Variants in BRIP1 observed in about 807,000 individuals in gnomAD.
BRIP1 encodes the protein BRCA1 interacting DNA helicase 1, also known as Fanconi anemia group J protein.
Under a neutral mutation model 119.7 loss-of-function variants are expected in BRIP1, and 88 were observed. The observed-to-expected ratio is 0.74, with a 90% CI of 0.62 to 0.88. The LOEUF (loss-of-function observed/expected upper bound fraction) is 0.88, where lower values mean the gene tolerates loss of function less well. BRIP1 is among the 40% of genes least tolerant of loss of function. The pLI, the probability that BRIP1 is intolerant of heterozygous loss-of-function variation, is 0.00. For missense variants in BRIP1, 1,259 were observed against 1,455.4 expected (o/e 0.87, Z 2.20); for synonymous variants, 443 against 496.5 (o/e 0.89, Z 1.43).
intron 16 of BRIP1, among the ~76,000 whole-genome samples, chr17:61,727,812 T>C (rs2076788652): frequency 6.6e-6 from 1 of 151,398 alleles, no homozygotes; most frequent in South Asian, 2.1e-4. Flanking sequence ...ATATAATCTT[T>C]CAAACATGAG....
Position 61,799,036 on chromosome 17 carries a change from G to A in BRIP1, c.1340+64C>T, listed in dbSNP as rs113218012. 35 of 1,451,738 alleles carry A rather than the reference G, an allele frequency of 2.4e-5. 1 individual carries two copies. The highest frequency in any genetic ancestry group is 1.7e-4 in the Middle Eastern group (1 of 5,720). The allele number at this position is 1,451,738 out of a possible 1,614,324, so 89.9% of individuals were successfully genotyped here. A position where few individuals can be genotyped will look rare whatever the true frequency, so the allele number is the denominator to read the frequency against. On this transcript the variant is annotated intron_variant, in intron 9 of 19. Coordinates refer to ENST00000259008, the MANE Select transcript of BRIP1 (RefSeq NM_032043.3). The surrounding 1 kb of genome is among the most constrained non-coding windows in gnomAD (Gnocchi z 5.1). ...AAGTTTACTAACTTTAAATACTCTGGCATAATCAAACATATTTTTCATATA... is the reference window on the plus strand; with the variant it reads ...AAGTTTACTAACTTTAAATACTCTGACATAATCAAACATATTTTTCATATA...
chr17:61,744,317 G>T lies in BRIP1; in HGVS notation c.2257+115C>A. 2 of 1,154,672 alleles carry T rather than the reference G, an allele frequency of 1.7e-6. No homozygotes were observed. Among genetic ancestry groups the T allele is most frequent in the Non-Finnish European group, 2.5e-6 (2 of 804,234 alleles). The allele number at this position is 1,154,672 out of a possible 1,614,324, so 71.5% of individuals were successfully genotyped here. A position where few individuals can be genotyped will look rare whatever the true frequency, so the allele number is the denominator to read the frequency against. ...CCCAATTTATTTTCTTTTCACTCAG[G>T]ATTATAATTTTTCTCTTAAGTGTAA... On this transcript the variant is annotated intron_variant, in intron 15 of 19. Transcript: ENST00000259008. The surrounding 1 kb of genome is among the most constrained non-coding windows in gnomAD (Gnocchi z 5.0).
Position 61,729,589 on chromosome 17 carries a change from G to A in BRIP1, c.2379+13424C>T, listed in dbSNP as rs2076816727. Among the ~76,000 whole-genome samples, 2 of 152,162 alleles carry A rather than the reference G, an allele frequency of 1.3e-5. No homozygotes were observed. Among genetic ancestry groups the A allele is most frequent in the South Asian group, 4.1e-4 (2 of 4,824 alleles). Reference sequence around the variant, plus strand: ...TGCCTGTCAGAAGCAGGGGCTAGAAGTGGGGTGCAGGCCAAAAGACTGTTA... The same window carrying A: ...TGCCTGTCAGAAGCAGGGGCTAGAAATGGGGTGCAGGCCAAAAGACTGTTA... On this transcript the variant is annotated intron_variant, in intron 16 of 19. Coordinates refer to ENST00000259008, the MANE Select transcript of BRIP1 (RefSeq NM_032043.3). This position sits in a 1 kb window ranked among gnomAD's most constrained non-coding sequence, Gnocchi z 5.6.
rs2076760961 is a variant in BRIP1 at position 61,725,969 on chromosome 17, G to A, written c.2380-9906C>T. Among the ~76,000 whole-genome samples, 1 of 152,094 alleles carries A rather than the reference G, an allele frequency of 6.6e-6. No individual in the cohort carries two copies. The highest frequency in any genetic ancestry group is 1.5e-5 in the Non-Finnish European group (1 of 68,026). On this transcript the variant is annotated intron_variant, in intron 16 of 19. Coordinates refer to ENST00000259008, the MANE Select transcript of BRIP1 (RefSeq NM_032043.3). The surrounding 1 kb of genome is among the most constrained non-coding windows in gnomAD (Gnocchi z 5.3). Reference sequence around the variant, plus strand: ...AGTAATGACCTTTGTGTCAATTTAGGTAGGTTATCCATGTTAAAATATTAC... The same window carrying A: ...AGTAATGACCTTTGTGTCAATTTAGATAGGTTATCCATGTTAAAATATTAC...
chr17:61,808,602 T>C lies in BRIP1; in HGVS notation c.783A>G (p.Arg261=), dbSNP rs1441703380. Residue 261 remains arginine (R), a synonymous_variant, in exon 7 of 20, where the codon AGA becomes AGG. Transcript: ENST00000259008. This position sits in a 1 kb window ranked among gnomAD's most constrained non-coding sequence, Gnocchi z 4.1. The part of the protein sequence containing the change: ...RTHKQIAQIT[R]ELRRTAYSGV... The stretch of plus-strand genomic sequence containing the variant: ...CTGAATATGCCGTCCTCCGGAGCTC[T>C]CTAGTAATCTGAGCAATCTGCTTGT... 1 of 1,613,902 alleles carries C rather than the reference T, an allele frequency of 6.2e-7. No individual in the cohort carries two copies. Among genetic ancestry groups the C allele is most frequent in the Non-Finnish European group, 8.5e-7 (1 of 1,179,936 alleles).
At chr17:61,697,336 CAAAAAAAAAAAAAAAAAA>C (rs55963888) in intron 17 of BRIP1, among the ~76,000 whole-genome samples, 5 of 59,170 alleles carry the variant, frequency 8.5e-5, no homozygotes, top group South Asian at 2.0e-3. Flanking sequence ...GACTCTGTCT[CAAAAAAAAAAAAAAAAAA>C]AAAAAAAAAA....
At chr17:61,811,757 G>C (rs934182391) in intron 6 of BRIP1, among the ~76,000 whole-genome samples, 7 of 151,372 alleles carry the variant, frequency 4.6e-5, no homozygotes, top group African/African-American at 1.7e-4. Context: ...TTCAAGACTA[G>C]CCTGGCCAAC....
rs189186696 is a variant in BRIP1, at chr17:61,860,883, C to T, written c.93+564G>A. On this transcript the variant is annotated intron_variant, in intron 2 of 19. Coordinates refer to ENST00000259008, the MANE Select transcript of BRIP1 (RefSeq NM_032043.3). The surrounding 1 kb of genome is among the most constrained non-coding windows in gnomAD (Gnocchi z 4.1). ...AAGTTCTGCATAAAAAGTAAGGTAC[C>T]GTATCACATCAATGCACAGTTTCAA... Among the ~76,000 whole-genome samples, 6 of 151,826 alleles carry T rather than the reference C, an allele frequency of 4.0e-5. No individual in the cohort carries two copies. Among genetic ancestry groups the T allele is most frequent in the Admixed American group, 1.3e-4 (2 of 15,254 alleles).
rs1298005178 is a variant in BRIP1 at position 61,682,695 on chromosome 17, GA to G, written c.*600del. The G allele has an allele frequency of 1.0e-5, 2 of 195,828 alleles. No homozygotes were observed. Among genetic ancestry groups the G allele is most frequent in the African/African-American group, 2.3e-5 (1 of 43,324 alleles). 12.1% of individuals were successfully genotyped at this position (195,828 alleles called of 1,614,324 possible). ...GCTGTTAATTTTTATGTATCAGTGTGAAAACAAATGGATGAAGAGAACCACC... is the reference window on the plus strand; with the variant it reads ...GCTGTTAATTTTTATGTATCAGTGTGAAACAAATGGATGAAGAGAACCACC... On this transcript the variant is annotated 3_prime_UTR_variant, in exon 20 of 20. Coordinates refer to ENST00000259008, the MANE Select transcript of BRIP1 (RefSeq NM_032043.3). This position sits in a 1 kb window ranked among gnomAD's most constrained non-coding sequence, Gnocchi z 4.9.
At position 61,834,758 on chromosome 17, in the gene BRIP1, TGAGA is replaced by T. The variant is rs1220235067; in HGVS notation, c.627+12339_627+12342del. ...AAACCAGAATTAGCCTGCTAGATGA[TGAGA>T]GAGACCCACCTCATGGTCCCAGCTG... On this transcript the variant is annotated intron_variant, in intron 6 of 19. Transcript: ENST00000259008. The surrounding 1 kb of genome is among the most constrained non-coding windows in gnomAD (Gnocchi z 4.4). Among the ~76,000 whole-genome samples the T allele has an allele frequency of 6.6e-6, 1 of 152,136 alleles. No individual in the cohort carries two copies. Among genetic ancestry groups the T allele is most frequent in the African/African-American group, 2.4e-5 (1 of 41,414 alleles).
Position 61,683,217 on chromosome 17 carries a change from A to G in BRIP1, c.*79T>C, listed in dbSNP as rs2061293727. 17 of 1,437,634 alleles carry G rather than the reference A, an allele frequency of 1.2e-5. No individual in the cohort carries two copies. The highest frequency in any genetic ancestry group is 1.5e-5 in the Non-Finnish European group (16 of 1,043,286). The allele number at this position is 1,437,634 out of a possible 1,614,324, so 89.1% of individuals were successfully genotyped here. A position where few individuals can be genotyped will look rare whatever the true frequency, so the allele number is the denominator to read the frequency against. The stretch of plus-strand genomic sequence containing the variant: ...TTTTAAAAAGTATGCCACTTATTCA[A>G]TTTACAAATTATTACTTACAACAGA... On this transcript the variant is annotated 3_prime_UTR_variant, in exon 20 of 20. Transcript: ENST00000259008. This position sits in a 1 kb window ranked among gnomAD's most constrained non-coding sequence, Gnocchi z 4.7.
In BRIP1 at chr17:61,733,618, A is replaced by T. The variant is rs913175123; in HGVS notation, c.2379+9395T>A. 3.3e-5 allele frequency among the ~76,000 whole-genome samples: 5 copies of T among 152,252 alleles called. No individual in the cohort carries two copies. In the South Asian group the frequency reaches 6.2e-4, roughly 19 times the overall value. On this transcript the variant is annotated intron_variant, in intron 16 of 19. Coordinates refer to ENST00000259008, the MANE Select transcript of BRIP1 (RefSeq NM_032043.3). ...ATTTTTCAATCATAAATGTAATTTT[A>T]AAAAATTGATTAAAATAATATATAC...
At position 61,765,379 on chromosome 17, in the gene BRIP1, TTATA is replaced by T. The variant is rs1287538931; in HGVS notation, c.2097+11018_2097+11021del. Reference sequence around the variant, plus strand: ...ATGTGTGTGTGTGTGTGTGTATATATTATATATATATATATATATATATATATAT... The same window carrying T: ...ATGTGTGTGTGTGTGTGTGTATATATTATATATATATATATATATATATAT... On this transcript the variant is annotated intron_variant, in intron 14 of 19. Coordinates refer to ENST00000259008, the MANE Select transcript of BRIP1 (RefSeq NM_032043.3). Among the ~76,000 whole-genome samples the T allele has an allele frequency of 4.8e-3, 181 of 37,696 alleles. 1 individual carries two copies. The highest frequency in any genetic ancestry group is 5.0e-3 in the Non-Finnish European group (111 of 22,108). 24.7% of individuals were successfully genotyped at this position (37,696 alleles called of 152,430 possible). A position where few individuals can be genotyped will look rare whatever the true frequency, so the allele number is the denominator to read the frequency against.
chr17:61,838,771 A>T (rs2078614153), intron 6 of BRIP1, among the ~76,000 whole-genome samples: 1 of 151,714 alleles, frequency 6.6e-6, no homozygotes, highest in East Asian at 1.9e-4. Context: ...AGCAAAAATA[A>T]AAAAATATAA....
In BRIP1 at chr17:61,686,131, G is replaced by T; in HGVS notation, c.2610C>A (p.His870Gln). The T allele has an allele frequency of 6.2e-7, 1 of 1,614,048 alleles. No homozygotes were observed. ...CCAGTGCACTTTCAAAGGTTGAATG[G>T]TGCTGAATCTGCTGCCGTACCCATT... ...LSKWVRQQIQ[H>Q]HSTFESALES... The change falls in exon 19 of 20, where the codon CAC becomes CAA. Residue 870 changes from histidine (H) to glutamine (Q), a missense_variant. His to Gln is a conservative substitution (Grantham distance 24). Transcript: ENST00000259008. The surrounding 1 kb of genome is among the most constrained non-coding windows in gnomAD (Gnocchi z 5.4).
rs1364026962 is a variant in BRIP1, at chr17:61,726,786, T to G, written c.2380-10723A>C. On this transcript the variant is annotated intron_variant, in intron 16 of 19. Transcript: ENST00000259008. The surrounding 1 kb of genome is among the most constrained non-coding windows in gnomAD (Gnocchi z 6.2). ...CCTCCATAATACTTTTTGGTCACTT[T>G]TCAACTTATGAAGTGTTTTTGAAAG... 6.6e-6 allele frequency among the ~76,000 whole-genome samples: 1 copy of G among 152,244 alleles called. No homozygotes were observed. Among genetic ancestry groups the G allele is most frequent in the Non-Finnish European group, 1.5e-5 (1 of 68,040 alleles).
rs150604982 is a variant in BRIP1, at chr17:61,730,426, G to A, written c.2379+12587C>T. On this transcript the variant is annotated intron_variant, in intron 16 of 19. Coordinates refer to ENST00000259008, the MANE Select transcript of BRIP1 (RefSeq NM_032043.3). The surrounding 1 kb of genome is among the most constrained non-coding windows in gnomAD (Gnocchi z 4.3). ...GAAGCTAAAAAACAATCCCACCACT[G>A]CCCTTAAGGTAGAGCTGCTGATTAT... 1.8e-4 allele frequency among the ~76,000 whole-genome samples: 27 copies of A among 152,238 alleles called. No homozygotes were observed. Among genetic ancestry groups the A allele is most frequent in the African/African-American group, 6.5e-4 (27 of 41,548 alleles).
rs554527632 is a variant in BRIP1, at chr17:61,856,314, T to C, written c.379+744A>G. The stretch of plus-strand genomic sequence containing the variant: ...TCTTTGTTTTGACTTAAGTCAATCA[T>C]GGCAACCTCTGTCTCCCTGCCAGTG... On this transcript the variant is annotated intron_variant, in intron 4 of 19. Transcript: ENST00000259008. The surrounding 1 kb of genome is among the most constrained non-coding windows in gnomAD (Gnocchi z 5.1). Among the ~76,000 whole-genome samples the C allele has an allele frequency of 1.2e-4, 19 of 152,332 alleles. No individual in the cohort carries two copies. In the South Asian group the frequency reaches 3.9e-3, roughly 32 times the overall value.
rs1174382701 is a variant in BRIP1 at position 61,789,725 on chromosome 17, T to G, written c.1473+3872A>C. On this transcript the variant is annotated intron_variant, in intron 10 of 19. Coordinates refer to ENST00000259008, the MANE Select transcript of BRIP1 (RefSeq NM_032043.3). The surrounding 1 kb of genome is among the most constrained non-coding windows in gnomAD (Gnocchi z 4.8). ...AAAATTATGTGAAGGAATCTTTACT[T>G]AAATAGGAAAGTATACACAATATAT... Among the ~76,000 whole-genome samples the G allele has an allele frequency of 6.6e-6, 1 of 152,156 alleles. No individual in the cohort carries two copies. Among genetic ancestry groups the G allele is most frequent in the African/African-American group, 2.4e-5 (1 of 41,440 alleles).
Sources: allele counts gnomAD v4.1 joint callset (sites outside exome capture counted in the v4.1 genomes callset), GRCh38; gene constraint gnomAD v4.1.1; non-coding constraint Gnocchi (gnomAD v3.1); transcripts MANE v1.5; gene names NCBI Gene and HGNC (gene_info 2026-07-23, HGNC 2026-07-21).